PCDHA2: variants seen among roughly 807,000 people sequenced by gnomAD.
The protein encoded by PCDHA2 is protocadherin alpha 2, also known as protocadherin alpha-2.
PCDHA2 carries 58 observed loss-of-function variants against 66.0 expected under a neutral mutation model. The ratio of observed to expected loss-of-function variants is 0.88; its 90% confidence interval spans 0.71 to 1.09. The LOEUF (loss-of-function observed/expected upper bound fraction) is 1.09. PCDHA2 is among the 50% of genes least tolerant of loss of function. The probability of loss-of-function intolerance (pLI) is 0.00; values close to 1 mark genes in which losing one functional copy is unlikely to be tolerated. For synonymous variants in PCDHA2, 634 were observed against 554.0 expected (o/e 1.14, Z -2.03); for missense variants, 1,267 against 1,242.3 (o/e 1.02, Z -0.30).
intron 1 of PCDHA2, chr5:140,884,355 T>A (rs1562803326): frequency 1.9e-6 from 3 of 1,613,922 alleles, no homozygotes; most frequent in East Asian, 2.2e-5. Context: ...CTGGTGGATG[T>A]CAATGTTTAC....
chr5:141,007,435 G>A (rs1342767950), intron 3 of PCDHA2, among the ~76,000 whole-genome samples: 1 of 150,972 alleles, frequency 6.6e-6, no homozygotes, highest in Non-Finnish European at 1.5e-5. Flanking sequence ...AGGCATGGTG[G>A]CATGTGCCTG....
At chr5:140,805,505 T>C in intron 1 of PCDHA2, 1 of 988,922 alleles carries the variant, frequency 1.0e-6, no homozygotes. Context: ...TTTCACTAGA[T>C]TGATTTTTTG....
At chr5:140,870,990 G>C in intron 1 of PCDHA2, 6 of 1,613,518 alleles carry the variant, frequency 3.7e-6, no homozygotes, top group Non-Finnish European at 5.1e-6. Flanking sequence ...ACACGGGCGA[G>C]ATAAGCACAA....
At chr5:140,801,213 C>A (rs1482637194) in intron 1 of PCDHA2, 5 of 1,605,496 alleles carry the variant, frequency 3.1e-6, no homozygotes, top group Non-Finnish European at 4.3e-6. Flanking sequence ...GTTCTCCTGG[C>A]GAGAAGATCC....
chr5:140,930,338 A>T (rs2086745230), intron 1 of PCDHA2: 1 of 152,214 alleles, frequency 6.6e-6, no homozygotes, highest in African/African-American at 2.4e-5. Flanking sequence ...AATGAAAGTT[A>T]AGTGATTCAA....
chr5:140,883,339 C>T (rs142984869), intron 1 of PCDHA2: 2 of 1,614,172 alleles, frequency 1.2e-6, no homozygotes, highest in Admixed American at 3.3e-5. Flanking sequence ...CTTTGTCACT[C>T]CCCATCAGAG....
chr5:140,843,105 G>A (rs2150352626), intron 1 of PCDHA2: 1 of 1,595,772 alleles, frequency 6.3e-7, no homozygotes, highest in South Asian at 1.1e-5. Flanking sequence ...GCGAAGGTGC[G>A]CGCAGTGGAC....
intron 1 of PCDHA2, chr5:140,828,046 T>C (rs1305424229): frequency 5.8e-6 from 9 of 1,542,498 alleles, no homozygotes; most frequent in Non-Finnish European, 7.0e-6. Flanking sequence ...TATTTTATCT[T>C]TATGCGGAAG....
intron 1 of PCDHA2, among the ~76,000 whole-genome samples, chr5:140,806,180 G>T (rs112781141): frequency 1.3e-5 from 2 of 152,266 alleles, no homozygotes; most frequent in African/African-American, 4.8e-5. Flanking sequence ...GGCTTTAGAA[G>T]AGTTTAGAAA....
At chr5:140,941,634 T>G (rs2093133728) in intron 1 of PCDHA2, among the ~76,000 whole-genome samples, 1 of 152,074 alleles carries the variant, frequency 6.6e-6, no homozygotes, top group South Asian at 2.1e-4. Context: ...TCTTAATTTC[T>G]GTCTTCCTAC....
rs1554262808 is a variant in PCDHA2, at chr5:141,010,232, A to T, written c.*295A>T. On this transcript the variant is annotated 3_prime_UTR_variant, in exon 4 of 4. Coordinates refer to ENST00000526136, the MANE Select transcript of PCDHA2 (RefSeq NM_018905.3). ...AAAGGAGAGGCTTCCCAGCCCCGCC[A>T]GTGAGAGGTTGGACTCTCTGCCCTG... 6.4e-7 allele frequency: 1 copy of T among 1,551,952 alleles called. No homozygotes were observed. The highest frequency in any genetic ancestry group is 2.0e-5 in the Admixed American group (1 of 51,018).
intron 1 of PCDHA2, chr5:140,928,916 G>A (rs1287378711): frequency 5.0e-6 from 8 of 1,613,988 alleles, no homozygotes; most frequent in East Asian, 2.2e-5. Flanking sequence ...GAACCAGGAG[G>A]GCAGCTTTCT....
At chr5:140,966,030 A>C (rs1554227994) in intron 1 of PCDHA2, among the ~76,000 whole-genome samples, 4 of 152,164 alleles carry the variant, frequency 2.6e-5, no homozygotes, top group Admixed American at 6.5e-5. Context: ...AGTCAGGTGA[A>C]TAGTTCCCAT....
intron 1 of PCDHA2, among the ~76,000 whole-genome samples, chr5:140,898,033 G>T (rs1293808474): frequency 2.6e-5 from 4 of 152,032 alleles, no homozygotes; most frequent in African/African-American, 9.7e-5. Flanking sequence ...TTTTGATGGG[G>T]TTGTTTGTTT....
intron 1 of PCDHA2, chr5:140,968,744 G>T: frequency 6.2e-7 from 1 of 1,614,164 alleles, no homozygotes; most frequent in Non-Finnish European, 8.5e-7. Context: ...CAACCTGACC[G>T]TGGTGGTCCG....
At chr5:140,829,519 G>C (rs2150169302) in intron 1 of PCDHA2, 3 of 1,613,422 alleles carry the variant, frequency 1.9e-6, no homozygotes, top group African/African-American at 1.3e-5. Flanking sequence ...ACATCTTCAC[G>C]GTGTCTGCGC....
intron 1 of PCDHA2, among the ~76,000 whole-genome samples, chr5:140,909,950 C>T (rs940175754): frequency 1.3e-5 from 2 of 152,168 alleles, no homozygotes; most frequent in African/African-American, 4.8e-5. Flanking sequence ...GGTAAAAAGC[C>T]GTAGGTCTCC....
chr5:140,882,816 A>C, intron 1 of PCDHA2: 3 of 1,614,266 alleles, frequency 1.9e-6, no homozygotes, highest in Non-Finnish European at 2.5e-6. Flanking sequence ...TTGGACGCAC[A>C]AAACAGTCTT....
intron 3 of PCDHA2, among the ~76,000 whole-genome samples, chr5:140,997,722 C>G (rs2097782886): frequency 6.6e-6 from 1 of 151,372 alleles, no homozygotes; most frequent in South Asian, 2.1e-4. Context: ...CTTTCTACGT[C>G]AGTACATATA....
Sources: allele counts gnomAD v4.1 joint callset (sites outside exome capture counted in the v4.1 genomes callset), GRCh38; gene constraint gnomAD v4.1.1; transcripts MANE v1.5; gene names NCBI Gene and HGNC (gene_info 2026-07-23, HGNC 2026-07-21).